The following DRICH1 variants were observed in gnomAD, a reference collection of about 807,000 sequenced individuals.
DRICH1 encodes the protein aspartate-rich protein 1.
DRICH1 carries 38 observed loss-of-function variants against 39.5 expected under a neutral mutation model. The observed-to-expected ratio is 0.96, with a 90% confidence interval of 0.74 to 1.26. The LOEUF (loss-of-function observed/expected upper bound fraction) is 1.26, where lower values mean the gene tolerates loss of function less well. DRICH1 is among the 50% of genes most tolerant of loss of function. The pLI, the probability that DRICH1 is intolerant of heterozygous loss-of-function variation, is 0.00. For synonymous variants in DRICH1, 84 were observed against 99.5 expected (o/e 0.84, Z 0.93); for missense variants, 279 against 270.4 (o/e 1.03, Z -0.22).
intron 1 of DRICH1, among the ~76,000 whole-genome samples, chr22:23,626,671 C>T (rs545933619): frequency 1.3e-5 from 2 of 152,282 alleles, no homozygotes; most frequent in South Asian, 4.1e-4. Flanking sequence ...GAGAGCAACT[C>T]GCCCAGCCTC....
At chr22:23,609,907 G>T (rs935041824) in intron 11 of DRICH1, among the ~76,000 whole-genome samples, 1 of 152,040 alleles carries the variant, frequency 6.6e-6, no homozygotes, top group Admixed American at 6.5e-5. Flanking sequence ...CTGAAACCTA[G>T]CTCTCCCAAG....
intron 4 of DRICH1, among the ~76,000 whole-genome samples, chr22:23,621,278 C>T (rs1927711307): frequency 6.6e-6 from 1 of 152,064 alleles, no homozygotes. Flanking sequence ...TGAAAGTTTA[C>T]TAGCCTGCAA....
At chr22:23,631,753 G>A (rs1352532410) in intron 1 of DRICH1, 63 bp downstream of exon 1, 27 of 1,335,710 alleles carry the variant, frequency 2.0e-5, no homozygotes, top group Non-Finnish European at 2.7e-5. Context: ...ATGAGGGTAA[G>A]GGAAGGGGGT....
the DRICH1 span, among the ~76,000 whole-genome samples, chr22:23,582,256 C>CT: frequency 6.9e-6 from 1 of 145,818 alleles, no homozygotes; most frequent in Non-Finnish European, 1.5e-5. Context: ...GGTTTACAGG[C>CT]GTGAGCCACC....
chr22:23,615,987 T>C lies in DRICH1; in HGVS notation c.541+866A>G, dbSNP rs919594479. On this transcript the variant is annotated intron_variant, in intron 8 of 11. Coordinates refer to ENST00000317749, the MANE Select transcript of DRICH1 (RefSeq NM_016449.4). ...AGAATGTTGACAGTGTGCTCAAGGT[T>C]GTGCTTCTCCCTCCATTTCCAAGAC... Among the ~76,000 whole-genome samples, 3 of 152,330 alleles carry C rather than the reference T, an allele frequency of 2.0e-5. 1 individual carries two copies. Among genetic ancestry groups the C allele is most frequent in the African/African-American group, 4.8e-5 (2 of 41,578 alleles).
At chr22:23,581,044 A>G in the DRICH1 span, 10 of 152,206 alleles carry the variant, frequency 6.6e-5, no homozygotes, top group Non-Finnish European at 1.3e-4. Flanking sequence ...ACACTGCAAA[A>G]TGATTAAATC....
chr22:23,626,082 G>C, intron 1 of DRICH1, 34 bp from the exon 2 acceptor site: 1 of 1,512,522 alleles, frequency 6.6e-7, no homozygotes, highest in South Asian at 1.1e-5. Flanking sequence ...CAGTGCCCTG[G>C]TGGTTGGAGA....
At chr22:23,590,711 G>A in the DRICH1 span, among the ~76,000 whole-genome samples, 4 of 152,004 alleles carry the variant, frequency 2.6e-5, no homozygotes, top group East Asian at 5.8e-4. Context: ...TGATTCTCCC[G>A]CCTCAGCCTC....
At chr22:23,621,822 G>A (rs895642864) in intron 4 of DRICH1, among the ~76,000 whole-genome samples, 1 of 152,150 alleles carries the variant, frequency 6.6e-6, no homozygotes, top group Non-Finnish European at 1.5e-5. Flanking sequence ...GCTGAGGCAG[G>A]AGAATTCATT....
At chr22:23,621,090 A>C (rs1311997430) in intron 4 of DRICH1, among the ~76,000 whole-genome samples, 3 of 152,184 alleles carry the variant, frequency 2.0e-5, no homozygotes, top group African/African-American at 4.8e-5. Context: ...GGTGAAGGAA[A>C]TAATGTATAC....
At chr22:23,591,108 G>T in the DRICH1 span, among the ~76,000 whole-genome samples, 1 of 152,184 alleles carries the variant, frequency 6.6e-6, no homozygotes, top group South Asian at 2.1e-4. Flanking sequence ...ACAGAGATGT[G>T]TAAGAATCTG....
chr22:23,597,970 G>GT, the DRICH1 span, among the ~76,000 whole-genome samples: 1 of 150,778 alleles, frequency 6.6e-6, no homozygotes, highest in African/African-American at 2.4e-5. Context: ...CCTTGCCTTA[G>GT]TTTTTTCCCT....
the DRICH1 span, among the ~76,000 whole-genome samples, chr22:23,596,281 C>G: frequency 6.6e-6 from 1 of 152,026 alleles, no homozygotes; most frequent in African/African-American, 2.4e-5. Flanking sequence ...TTCCCCTTCC[C>G]CTTTTGACAG....
At chr22:23,631,627 T>C (rs1410156019) in intron 1 of DRICH1, among the ~76,000 whole-genome samples, 189 bp downstream of exon 1, 1 of 151,360 alleles carries the variant, frequency 6.6e-6, no homozygotes, top group Non-Finnish European at 1.5e-5. Context: ...CTTTTCTAGA[T>C]CAAAAAGTCT....
At chr22:23,582,297 A>G in the DRICH1 span, among the ~76,000 whole-genome samples, 1 of 111,918 alleles carries the variant, frequency 8.9e-6, no homozygotes, top group Non-Finnish European at 1.9e-5. Context: ...TTTTTTTGAG[A>G]CGGAGTCTCA....
chr22:23,632,764 T>C (rs1468668706), upstream of DRICH1: 1 of 151,810 alleles, frequency 6.6e-6, no homozygotes, highest in Non-Finnish European at 1.5e-5. Flanking sequence ...ATACAAAATA[T>C]TAGCTCGGCC....
Position 23,608,625 on chromosome 22 carries a change from C to T in DRICH1, c.*139G>A. On this transcript the variant is annotated 3_prime_UTR_variant, in exon 12 of 12. Transcript: ENST00000317749. ...GCGGTGGGTGGGAAGCAGCCTTGGA[C>T]TTTTTCTCTCTGCTGGGACCAAGAG... The T allele has an allele frequency of 1.1e-6, 1 of 909,040 alleles. No individual in the cohort carries two copies. The highest frequency in any genetic ancestry group is 1.7e-6 in the Non-Finnish European group (1 of 575,394). The allele number at this position is 909,040 out of a possible 1,614,324, so 56.3% of individuals were successfully genotyped here.
chr22:23,627,223 T>C (rs1160478381), intron 1 of DRICH1, among the ~76,000 whole-genome samples: 1 of 151,814 alleles, frequency 6.6e-6, no homozygotes, highest in African/African-American at 2.4e-5. Context: ...CAGGTGTGCG[T>C]CACCACACCT....
chr22:23,612,878 G>A (rs1927123157), intron 11 of DRICH1, among the ~76,000 whole-genome samples: 1 of 152,164 alleles, frequency 6.6e-6, no homozygotes, highest in African/African-American at 2.4e-5. Flanking sequence ...TTGGCACACA[G>A]CACAAGGACT....
Sources: allele counts gnomAD v4.1 joint callset (sites outside exome capture counted in the v4.1 genomes callset), GRCh38; gene constraint gnomAD v4.1.1; transcripts MANE v1.5; gene names NCBI Gene and HGNC (gene_info 2026-07-23, HGNC 2026-07-21).